KIRREL3: variants seen among roughly 807,000 people sequenced by gnomAD.
KIRREL3 encodes kin of IRRE-like protein 3.
Under a neutral mutation model 89.7 loss-of-function variants are expected in KIRREL3, and 36 were observed. The ratio of observed to expected loss-of-function variants is 0.40; its 90% CI spans 0.31 to 0.53. KIRREL3 has a LOEUF of 0.53. Among genes scored for constraint, KIRREL3 ranks in the 20% least tolerant of loss-of-function variants. KIRREL3 has a pLI of 0.49. For missense variants in KIRREL3, 864 were observed against 1,056.6 expected (o/e 0.82, Z 2.53); for synonymous variants, 445 against 441.4 (o/e 1.01, Z -0.10).
intron 1 of KIRREL3, among the ~76,000 whole-genome samples, chr11:126,941,887 C>T (rs1592424014): frequency 6.6e-6 from 1 of 152,176 alleles, no homozygotes; most frequent in African/African-American, 2.4e-5. Flanking sequence ...GCCCTTTATT[C>T]AATGCAAGCC....
intron 1 of KIRREL3, among the ~76,000 whole-genome samples, chr11:126,648,714 T>C (rs946711809): frequency 5.9e-5 from 9 of 152,240 alleles, no homozygotes; most frequent in African/African-American, 2.2e-4. Flanking sequence ...GTGCATGTAA[T>C]AAATAGTGCT....
In KIRREL3 at chr11:126,498,899, G is replaced by A. The variant is rs1280270362; in HGVS notation, c.433+22416C>T. Among the ~76,000 whole-genome samples the A allele has an allele frequency of 2.0e-5, 3 of 152,204 alleles. No homozygotes were observed. The highest frequency in any genetic ancestry group is 7.2e-5 in the African/African-American group (3 of 41,462). On this transcript the variant is annotated intron_variant, in intron 4 of 16. Coordinates refer to ENST00000525144, the MANE Select transcript of KIRREL3 (RefSeq NM_032531.4). This position sits in a 1 kb window ranked among gnomAD's most constrained non-coding sequence, Gnocchi z 4.3. ...AAGCTGTGTGGGCCAGGTGCAGTGG[G>A]TCCGCCTGTAATCCCAGCACTTTGG...
chr11:126,663,935 C>T (rs1945536809), intron 1 of KIRREL3, among the ~76,000 whole-genome samples: 1 of 152,198 alleles, frequency 6.6e-6, no homozygotes, highest in Non-Finnish European at 1.5e-5. Flanking sequence ...CCTGTAAAGC[C>T]CTAGAGTTGG....
At chr11:126,743,094 T>G (rs993056559) in intron 1 of KIRREL3, among the ~76,000 whole-genome samples, 1 of 152,222 alleles carries the variant, frequency 6.6e-6, no homozygotes, top group African/African-American at 2.4e-5. Flanking sequence ...TGGGCTTGTT[T>G]TCTGCCCAAT....
rs192201833 is a variant in KIRREL3 at position 126,548,469 on chromosome 11, C to T, written c.133+14366G>A. Among the ~76,000 whole-genome samples, 487 of 152,334 alleles carry T rather than the reference C, an allele frequency of 3.2e-3. 3 individuals are homozygous for T. Among genetic ancestry groups the T allele is most frequent in the Non-Finnish European group, 3.9e-3 (266 of 68,032 alleles). On this transcript the variant is annotated intron_variant, in intron 2 of 16. Transcript: ENST00000525144. ...TACAGGAGCTGGTGCAGAAATACCC[C>T]ACCGCTTGGGTGCCCTAGCTGTGAG...
In KIRREL3 at chr11:126,627,948, G is replaced by A. The variant is rs375449283; in HGVS notation, c.56-65036C>T. Among the ~76,000 whole-genome samples the A allele has an allele frequency of 1.3e-5, 2 of 152,202 alleles. No individual in the cohort carries two copies. The highest frequency in any genetic ancestry group is 2.9e-5 in the Non-Finnish European group (2 of 68,042). The stretch of plus-strand genomic sequence containing the variant: ...TCTTCATTCTGTCTCTCCCACCACC[G>A]AGCAAGGCTCGGTCTCCTGGTTTGA... On this transcript the variant is annotated intron_variant, in intron 1 of 16. Transcript: ENST00000525144. The surrounding 1 kb of genome is among the most constrained non-coding windows in gnomAD (Gnocchi z 5.0).
intron 1 of KIRREL3, among the ~76,000 whole-genome samples, chr11:126,982,612 G>T (rs560688613): frequency 2.0e-5 from 3 of 152,190 alleles, no homozygotes; most frequent in African/African-American, 7.2e-5. Context: ...TTACTTCCAC[G>T]TACTGTTTCT....
At position 126,719,274 on chromosome 11, in the gene KIRREL3, T is replaced by C. The variant is rs1345502101; in HGVS notation, c.56-156362A>G. Among the ~76,000 whole-genome samples the C allele has an allele frequency of 1.3e-5, 2 of 152,222 alleles. No individual in the cohort carries two copies. Among genetic ancestry groups the C allele is most frequent in the Non-Finnish European group, 2.9e-5 (2 of 68,044 alleles). On this transcript the variant is annotated intron_variant, in intron 1 of 16. Coordinates refer to ENST00000525144, the MANE Select transcript of KIRREL3 (RefSeq NM_032531.4). This position sits in a 1 kb window ranked among gnomAD's most constrained non-coding sequence, Gnocchi z 4.7. ...TTGACAAATCCAATGGTCAACTCCT[T>C]GTTGACACAAATGGCCAGCTCTTCT...
At position 126,682,482 on chromosome 11, in the gene KIRREL3, T is replaced by C. The variant is rs2322380; in HGVS notation, c.56-119570A>G. ...TTTTCCTGCCACTCCTTTACCAGGC[T>C]TTTTTTCACCTCAAATGAGTGATGA... On this transcript the variant is annotated intron_variant, in intron 1 of 16. Transcript: ENST00000525144. This position sits in a 1 kb window ranked among gnomAD's most constrained non-coding sequence, Gnocchi z 4.8. 0.85 allele frequency among the ~76,000 whole-genome samples: 129,251 copies of C among 151,986 alleles called. 55,076 individuals carry two copies. The highest frequency in any genetic ancestry group is 0.99 in the East Asian group (5,099 of 5,152).
chr11:126,667,874 G>A (rs1332101463), intron 1 of KIRREL3, among the ~76,000 whole-genome samples: 1 of 152,204 alleles, frequency 6.6e-6, no homozygotes, highest in Non-Finnish European at 1.5e-5. Context: ...GATCTGAGGA[G>A]ACTGGTGTTT....
intron 1 of KIRREL3, among the ~76,000 whole-genome samples, chr11:126,945,370 A>G (rs1742827847): frequency 6.6e-6 from 1 of 152,148 alleles, no homozygotes; most frequent in Non-Finnish European, 1.5e-5. Flanking sequence ...GAGACTGGGG[A>G]GTGGTTTCCT....
At chr11:126,893,749 A>AG (rs1946022503) in intron 1 of KIRREL3, among the ~76,000 whole-genome samples, 1 of 152,200 alleles carries the variant, frequency 6.6e-6, no homozygotes, top group South Asian at 2.1e-4. Context: ...TGCTAAGAAA[A>AG]ATGTTATCCT....
In KIRREL3 at chr11:126,652,282, C is replaced by T. The variant is rs115954676; in HGVS notation, c.56-89370G>A. Among the ~76,000 whole-genome samples the T allele has an allele frequency of 2.4e-3, 359 of 152,114 alleles. 2 individuals are homozygous for T. The highest frequency in any genetic ancestry group is 8.2e-3 in the African/African-American group (339 of 41,502). ...ACCAGCACCCACTGGCCAAAAAGCC[C>T]GGGTTGGGGTCTCTGTGGGTTGATG... On this transcript the variant is annotated intron_variant, in intron 1 of 16. Transcript: ENST00000525144. The surrounding 1 kb of genome is among the most constrained non-coding windows in gnomAD (Gnocchi z 4.9).
At chr11:126,580,835 T>TG (rs1413403135) in intron 1 of KIRREL3, among the ~76,000 whole-genome samples, 2 of 98,536 alleles carry the variant, frequency 2.0e-5, no homozygotes, top group East Asian at 7.8e-4. Flanking sequence ...CGGAATTTCC[T>TG]GTTTTTTTTT....
In KIRREL3 at chr11:126,601,106, C is replaced by A. The variant is rs1001287088; in HGVS notation, c.56-38194G>T. On this transcript the variant is annotated intron_variant, in intron 1 of 16. Coordinates refer to ENST00000525144, the MANE Select transcript of KIRREL3 (RefSeq NM_032531.4). This position sits in a 1 kb window ranked among gnomAD's most constrained non-coding sequence, Gnocchi z 5.8. Reference sequence around the variant, plus strand: ...CCCAGCCCCCCGATGTTCCAGGAAGCCAAAGCACAGAGCAATCTTTCCAAT... The same window carrying A: ...CCCAGCCCCCCGATGTTCCAGGAAGACAAAGCACAGAGCAATCTTTCCAAT... 6.6e-6 allele frequency among the ~76,000 whole-genome samples: 1 copy of A among 151,854 alleles called. No homozygotes were observed. Among genetic ancestry groups the A allele is most frequent in the African/African-American group, 2.4e-5 (1 of 41,314 alleles).
chr11:126,659,934 G>A (rs1025270433), intron 1 of KIRREL3, among the ~76,000 whole-genome samples: 2 of 152,168 alleles, frequency 1.3e-5, no homozygotes, highest in Non-Finnish European at 2.9e-5. Context: ...GGCTGGAGGT[G>A]GCCTGGTGCT....
intron 1 of KIRREL3, among the ~76,000 whole-genome samples, chr11:126,923,216 CT>C (rs1223051273): frequency 0.085 from 2,138 of 25,070 alleles, 500 homozygotes; most frequent in Middle Eastern, 0.21. Context: ...TCTTCTTCTT[CT>C]TCTTCTTCTT....
At chr11:126,524,802 C>T (rs1304066339) in intron 3 of KIRREL3, among the ~76,000 whole-genome samples, 1 of 152,166 alleles carries the variant, frequency 6.6e-6, no homozygotes, top group Non-Finnish European at 1.5e-5. Context: ...AAGGGCTCTA[C>T]AAGTACTTGC....
In KIRREL3 at chr11:126,960,803, A is replaced by AT. The variant is rs375638287; in HGVS notation, c.55+39651dup. Among the ~76,000 whole-genome samples, 320 of 151,958 alleles carry AT rather than the reference A, an allele frequency of 2.1e-3. 2 individuals carry two copies. Among genetic ancestry groups the AT allele is most frequent in the Non-Finnish European group, 3.6e-3 (247 of 67,972 alleles). ...CTTTATTGTTCTTCGCAGACATTGC[A>AT]TTTTTTACAGCTTGAAGGTTTGTGG... On this transcript the variant is annotated intron_variant, in intron 1 of 16. Transcript: ENST00000525144.
Sources: gnomAD v4.1 joint callset for allele counts (sites outside exome capture counted in the v4.1 genomes callset) on GRCh38, gnomAD v4.1.1 for gene constraint, Gnocchi (gnomAD v3.1) non-coding constraint, MANE v1.5 for transcripts, NCBI Gene and HGNC (gene_info 2026-07-23, HGNC 2026-07-21) for gene names.